Variants in IFT74 observed in about 807,000 individuals in gnomAD.
IFT74 encodes intraflagellar transport protein 74 homolog.
IFT74 carries 92 observed loss-of-function variants against 96.7 expected under a neutral mutation model. That is an observed-to-expected ratio of 0.95 (90% CI 0.80 to 1.13). The LOEUF is 1.13. IFT74 is among the 50% of genes most tolerant of loss of function. IFT74 has a pLI of 0.00. For missense variants in IFT74, 811 were observed against 698.2 expected (o/e 1.16, Z -1.82); for synonymous variants, 223 against 213.2 (o/e 1.05, Z -0.40).
intron 3 of IFT74, among the ~76,000 whole-genome samples, chr9:26,978,573 T>C (rs1387955819): frequency 6.6e-6 from 1 of 152,210 alleles, no homozygotes; most frequent in African/African-American, 2.4e-5. Context: ...AGTCTTCATT[T>C]TTCTGACATG....
At chr9:26,982,080 C>A (rs755693566) in intron 4 of IFT74, among the ~76,000 whole-genome samples, 3 of 151,074 alleles carry the variant, frequency 2.0e-5, no homozygotes, top group Non-Finnish European at 4.4e-5. Flanking sequence ...GAATAATCTT[C>A]TATGTTTTTT....
intron 19 of IFT74, among the ~76,000 whole-genome samples, chr9:27,061,707 T>TATATATGTAC (rs1564011674): frequency 5.6e-5 from 8 of 141,900 alleles, no homozygotes; most frequent in African/African-American, 2.1e-4. Context: ...GTACATAATA[T>TATATATGTAC]ATAATATATA....
intron 8 of IFT74, among the ~76,000 whole-genome samples, chr9:26,990,707 G>A (rs1357222301): frequency 6.6e-6 from 1 of 152,172 alleles, no homozygotes; most frequent in Non-Finnish European, 1.5e-5. Flanking sequence ...CGTAATTGTG[G>A]CAGTGGGAGT....
chr9:27,025,725 T>G (rs1280392147), intron 12 of IFT74, among the ~76,000 whole-genome samples: 1 of 152,120 alleles, frequency 6.6e-6, no homozygotes, highest in Admixed American at 6.6e-5. Context: ...GAATTTTGTA[T>G]CCATTGAAAC....
intron 13 of IFT74, among the ~76,000 whole-genome samples, 188 bp downstream of exon 13, chr9:27,029,292 A>G (rs901960562): frequency 6.6e-6 from 1 of 152,250 alleles, no homozygotes; most frequent in East Asian, 1.9e-4. Context: ...CTGACCACTT[A>G]TGAGTTAAAA....
At chr9:26,978,288 C>A in intron 3 of IFT74, 25 bp downstream of exon 3, 1 of 1,603,188 alleles carries the variant, frequency 6.2e-7, no homozygotes, top group Non-Finnish European at 8.5e-7. Flanking sequence ...ATAAGTATGA[C>A]ACTTGGGCCT....
intron 17 of IFT74, 109 bp from the exon 18 acceptor site, chr9:27,056,225 C>G: frequency 1.2e-6 from 1 of 837,416 alleles, no homozygotes; most frequent in Non-Finnish European, 1.9e-6. Context: ...TAGTTATAGC[C>G]TTGATATAAT....
intron 18 of IFT74, among the ~76,000 whole-genome samples, chr9:27,057,512 A>C (rs971406892): frequency 6.6e-6 from 1 of 152,202 alleles, no homozygotes; most frequent in African/African-American, 2.4e-5. Flanking sequence ...ATATCTAATT[A>C]GTCTATATTA....
intron 2 of IFT74, among the ~76,000 whole-genome samples, chr9:26,969,877 G>A (rs1309546221): frequency 6.6e-6 from 1 of 152,086 alleles, no homozygotes; most frequent in Non-Finnish European, 1.5e-5. Context: ...GCATTTGCTT[G>A]TCCTGGAAAT....
At chr9:26,971,955 ACTT>A (rs1480621092) in intron 2 of IFT74, among the ~76,000 whole-genome samples, 1 of 152,194 alleles carries the variant, frequency 6.6e-6, no homozygotes, top group African/African-American at 2.4e-5. Context: ...TTCTGACTCT[ACTT>A]CTTCAAGAGT....
At chr9:26,975,077 G>A (rs887081360) in intron 2 of IFT74, among the ~76,000 whole-genome samples, 1 of 147,586 alleles carries the variant, frequency 6.8e-6, no homozygotes, top group Non-Finnish European at 1.5e-5. Flanking sequence ...CAAAGTCAGG[G>A]TTATAAGGAG....
At chr9:26,992,122 C>A (rs1415604728) in intron 8 of IFT74, among the ~76,000 whole-genome samples, 1 of 151,942 alleles carries the variant, frequency 6.6e-6, no homozygotes, top group African/African-American at 2.4e-5. Flanking sequence ...TTTATTTCAT[C>A]ATTTATCTCA....
upstream of IFT74, among the ~76,000 whole-genome samples, chr9:26,952,907 T>C (rs1035335225): frequency 1.3e-5 from 2 of 152,324 alleles, no homozygotes; most frequent in South Asian, 2.1e-4. Context: ...CAATTTCTTA[T>C]GCATAAAACA....
At chr9:27,012,046 A>G in intron 10 of IFT74, 78 bp downstream of exon 10, 1 of 843,494 alleles carries the variant, frequency 1.2e-6, no homozygotes, top group Admixed American at 3.0e-5. Flanking sequence ...TAATATAACT[A>G]ATTCAACTAC....
intron 16 of IFT74, among the ~76,000 whole-genome samples, chr9:27,051,517 A>C (rs1396349674): frequency 6.6e-6 from 1 of 152,180 alleles, no homozygotes; most frequent in Non-Finnish European, 1.5e-5. Context: ...TTGTGCCACG[A>C]ATCTCTAGAA....
At chr9:27,040,184 GGTTAGA>G (rs1819399731) in intron 13 of IFT74, among the ~76,000 whole-genome samples, 1 of 152,104 alleles carries the variant, frequency 6.6e-6, no homozygotes, top group South Asian at 2.1e-4. Flanking sequence ...ATGTTAAAAG[GGTTAGA>G]GAAAAACTAG....
chr9:27,014,853 C>A (rs890100839), intron 10 of IFT74, among the ~76,000 whole-genome samples: 1 of 152,188 alleles, frequency 6.6e-6, no homozygotes, highest in African/African-American at 2.4e-5. Context: ...GTGATCCACC[C>A]GCCTTGGCCT....
upstream of IFT74, among the ~76,000 whole-genome samples, chr9:26,952,702 T>G (rs940735024): frequency 6.6e-6 from 1 of 152,252 alleles, no homozygotes; most frequent in Non-Finnish European, 1.5e-5. Flanking sequence ...CAGTTTCTTG[T>G]GTTCTTCCCA....
chr9:27,057,624 G>A (rs1196345885), intron 18 of IFT74, among the ~76,000 whole-genome samples: 2 of 152,162 alleles, frequency 1.3e-5, no homozygotes, highest in Non-Finnish European at 2.9e-5. Context: ...TTGGGAGGCT[G>A]AGGTGGGCGG....
Sources: gnomAD v4.1 joint callset for allele counts (sites outside exome capture counted in the v4.1 genomes callset) on GRCh38, gnomAD v4.1.1 for gene constraint, MANE v1.5 for transcripts, NCBI Gene and HGNC (gene_info 2026-07-23, HGNC 2026-07-21) for gene names.